RSPO2: variants seen among roughly 807,000 people sequenced by gnomAD.
RSPO2 encodes the protein R-spondin-2.
A neutral mutation model predicts 30.9 loss-of-function variants in RSPO2; 14 were observed. The observed-to-expected ratio is 0.45, with a 90% CI of 0.30 to 0.71. The LOEUF is 0.71. Ranked by LOEUF, RSPO2 falls within the 30% of genes least tolerant of loss-of-function variation. RSPO2 has a pLI of 0.08. For synonymous variants in RSPO2, 107 were observed against 96.4 expected (o/e 1.11, Z -0.64); for missense variants, 264 against 301.9 (o/e 0.87, Z 0.93).
chr8:107,967,934 A>G (rs965976953), intron 3 of RSPO2, among the ~76,000 whole-genome samples: 16 of 152,088 alleles, frequency 1.1e-4, no homozygotes, highest in African/African-American at 3.4e-4. Flanking sequence ...TTTTAAAGGT[A>G]TTATCAGTCT....
chr8:107,950,656 G>A (rs952811228), intron 5 of RSPO2, among the ~76,000 whole-genome samples: 1 of 151,108 alleles, frequency 6.6e-6, no homozygotes, highest in Non-Finnish European at 1.5e-5. Flanking sequence ...CAAGATGATA[G>A]TATTAACACA....
At chr8:108,003,332 T>A (rs1815345351) in intron 2 of RSPO2, among the ~76,000 whole-genome samples, 1 of 112,536 alleles carries the variant, frequency 8.9e-6, no homozygotes, top group Non-Finnish European at 1.7e-5. Context: ...TTTTTTTTTT[T>A]TTTTTAAGTA....
At chr8:107,955,829 G>A (rs1031436832) in intron 5 of RSPO2, among the ~76,000 whole-genome samples, 1 of 152,130 alleles carries the variant, frequency 6.6e-6, no homozygotes, top group African/African-American at 2.4e-5. Flanking sequence ...GTGCAATCAG[G>A]TTAAGATTGG....
At chr8:108,073,856 C>T (rs1296270496) in intron 2 of RSPO2, among the ~76,000 whole-genome samples, 2 of 152,146 alleles carry the variant, frequency 1.3e-5, no homozygotes, top group South Asian at 2.1e-4. Context: ...TGGCTGAAAA[C>T]TCACACAAGG....
chr8:107,911,619 C>T (rs1235478080), intron 5 of RSPO2, among the ~76,000 whole-genome samples: 1 of 152,140 alleles, frequency 6.6e-6, no homozygotes, highest in Non-Finnish European at 1.5e-5. Context: ...AACGATAGCG[C>T]TATATAAGGT....
intron 2 of RSPO2, among the ~76,000 whole-genome samples, chr8:108,028,945 A>C (rs1811314118): frequency 9.1e-6 from 1 of 109,364 alleles, no homozygotes; most frequent in African/African-American, 4.2e-5. Flanking sequence ...TGAGTGAACA[A>C]ATATAAATAT....
chr8:107,937,183 C>G (rs1812748369), intron 5 of RSPO2, among the ~76,000 whole-genome samples: 1 of 145,904 alleles, frequency 6.9e-6, no homozygotes, highest in Non-Finnish European at 1.5e-5. Context: ...TGGGGAGAGA[C>G]AAGGTCCAGT....
chr8:107,988,486 T>G (rs908550406), intron 3 of RSPO2, among the ~76,000 whole-genome samples: 1 of 152,032 alleles, frequency 6.6e-6, no homozygotes, highest in Non-Finnish European at 1.5e-5. Context: ...CAAACAAGAT[T>G]GTACTTGAGA....
rs543045049 is a variant in RSPO2 at position 107,928,886 on chromosome 8, A to T, written c.617-27696T>A. On this transcript the variant is annotated intron_variant, in intron 5 of 5. Coordinates refer to ENST00000276659, the MANE Select transcript of RSPO2 (RefSeq NM_178565.5). ...TCAGTACATGTTAGTGGTGGTGGTG[A>T]TGGTAGTTGGTGGTGATAATAACAA... Among the ~76,000 whole-genome samples, 4 of 152,318 alleles carry T rather than the reference A, an allele frequency of 2.6e-5. 1 individual carries two copies. The highest frequency in any genetic ancestry group is 5.9e-5 in the Non-Finnish European group (4 of 68,020).
intron 2 of RSPO2, among the ~76,000 whole-genome samples, chr8:108,032,146 G>A (rs931686642): frequency 2.0e-5 from 3 of 151,988 alleles, no homozygotes; most frequent in African/African-American, 4.8e-5. Flanking sequence ...CTACTATAAA[G>A]TTAAGATTTT....
At chr8:108,065,172 T>TA (rs939525143) in intron 2 of RSPO2, among the ~76,000 whole-genome samples, 141 of 140,218 alleles carry the variant, frequency 1.0e-3, no homozygotes, top group Middle Eastern at 7.6e-3. Flanking sequence ...AAGTATAAGT[T>TA]AAAAAAAAAA....
In RSPO2 at chr8:107,989,080, C is replaced by A. The variant is rs146879547; in HGVS notation, c.259G>T (p.Ala87Ser). 9 of 1,608,146 alleles carry A rather than the reference C, an allele frequency of 5.6e-6. No homozygotes were observed. Among genetic ancestry groups the A allele is most frequent in the Non-Finnish European group, 7.6e-6 (9 of 1,178,680 alleles). Residue 87 changes from alanine (A) to serine (S), a missense_variant, in exon 3 of 6, where the codon GCC becomes TCC. Ala to Ser is a moderately conservative substitution (Grantham distance 99, BLOSUM62 1). Coordinates refer to ENST00000276659, the MANE Select transcript of RSPO2 (RefSeq NM_178565.5). ...CTTGCACATCTGTTCATATCTGGGG[C>A]TCGGTGTCCATAGTACCCGGATGGG... ...SCPSGYYGHR[A>S]PDMNRCARCR...
intron 2 of RSPO2, among the ~76,000 whole-genome samples, chr8:108,003,301 ATATATATATATTTTTTTT>A (rs1815330559): frequency 7.7e-4 from 19 of 24,612 alleles, no homozygotes; most frequent in African/African-American, 2.5e-3. Context: ...ATATATATAT[ATATATATATATTTTTTTT>A]TTTTTTTTTT....
intron 2 of RSPO2, among the ~76,000 whole-genome samples, chr8:108,033,653 C>G (rs765324409): frequency 2.6e-5 from 4 of 152,204 alleles, no homozygotes; most frequent in African/African-American, 4.8e-5. Flanking sequence ...CCTTACAAGT[C>G]TTTGTGATGA....
chr8:107,928,474 G>A (rs895220273), intron 5 of RSPO2, among the ~76,000 whole-genome samples: 8 of 152,092 alleles, frequency 5.3e-5, no homozygotes, highest in African/African-American at 1.4e-4. Flanking sequence ...GTGCTTCTAA[G>A]CCTAACCTTT....
At chr8:108,050,453 T>C (rs1262514337) in intron 2 of RSPO2, among the ~76,000 whole-genome samples, 1 of 152,198 alleles carries the variant, frequency 6.6e-6, no homozygotes, top group Non-Finnish European at 1.5e-5. Context: ...AAGGTATGTA[T>C]ATATAGATTG....
At chr8:107,946,809 G>A (rs1036579543) in intron 5 of RSPO2, among the ~76,000 whole-genome samples, 18 of 151,998 alleles carry the variant, frequency 1.2e-4, no homozygotes, top group Non-Finnish European at 2.4e-4. Flanking sequence ...AGTCAAGACC[G>A]GCCATATACC....
chr8:108,047,428 G>A (rs1208573542), intron 2 of RSPO2, among the ~76,000 whole-genome samples: 1 of 152,198 alleles, frequency 6.6e-6, no homozygotes, highest in Non-Finnish European at 1.5e-5. Context: ...GACCATATAT[G>A]CTCTTCAAAA....
chr8:107,933,458 T>G (rs1812612281), intron 5 of RSPO2, among the ~76,000 whole-genome samples: 1 of 152,134 alleles, frequency 6.6e-6, no homozygotes, highest in Non-Finnish European at 1.5e-5. Flanking sequence ...ATATATAAAT[T>G]TATCACCCTC....
Sources: allele counts gnomAD v4.1 joint callset (sites outside exome capture counted in the v4.1 genomes callset), GRCh38; gene constraint gnomAD v4.1.1; transcripts MANE v1.5; gene names NCBI Gene and HGNC (gene_info 2026-07-23, HGNC 2026-07-21).